The following GNG12 variants were observed in gnomAD, a reference collection of about 807,000 sequenced individuals.
GNG12 encodes the protein G protein subunit gamma 12, also known as guanine nucleotide-binding protein G(I)/G(S)/G(O) subunit gamma-12.
For synonymous variants in GNG12, 28 were observed against 29.7 expected, an observed-to-expected ratio of 0.94 and a Z score of 0.19; for missense variants, 69 against 83.8, an observed-to-expected ratio of 0.82 and a Z score of 0.69.
chr1:67,769,630 G>A (rs1042933207), intron 2 of GNG12, among the ~76,000 whole-genome samples: 2 of 152,156 alleles, frequency 1.3e-5, no homozygotes, highest in African/African-American at 4.8e-5. Flanking sequence ...AGTTATACAG[G>A]TGCACGTTGG....
intron 2 of GNG12, among the ~76,000 whole-genome samples, chr1:67,718,829 C>T (rs1467526037): frequency 1.3e-5 from 2 of 152,220 alleles, no homozygotes; most frequent in Non-Finnish European, 2.9e-5. Context: ...TGGCTTCACA[C>T]TCAAGATCCT....
At chr1:67,722,543 A>T (rs1252402755) in intron 2 of GNG12, among the ~76,000 whole-genome samples, 2 of 151,384 alleles carry the variant, frequency 1.3e-5, no homozygotes, top group Non-Finnish European at 2.9e-5. Context: ...GGACTTGAGT[A>T]GCCAGAAGAC....
At chr1:67,788,365 T>C (rs1056675545) in intron 1 of GNG12, among the ~76,000 whole-genome samples, 7 of 152,168 alleles carry the variant, frequency 4.6e-5, no homozygotes, top group African/African-American at 1.7e-4. Flanking sequence ...CAGTGTCTGA[T>C]TCTGTCACTC....
chr1:67,717,923 C>T (rs373621806), intron 2 of GNG12, among the ~76,000 whole-genome samples: 24 of 152,180 alleles, frequency 1.6e-4, no homozygotes, highest in South Asian at 4.1e-4. Flanking sequence ...GGGCCTCATT[C>T]GCTCATTTGT....
intron 1 of GNG12, among the ~76,000 whole-genome samples, chr1:67,825,203 T>C (rs777249853): frequency 1.7e-4 from 26 of 152,222 alleles, no homozygotes; most frequent in Admixed American, 5.9e-4. Flanking sequence ...CTGTAAGAAA[T>C]TCTTAGGAAT....
chr1:67,715,176 CAA>C (rs931995905), intron 2 of GNG12, among the ~76,000 whole-genome samples: 1 of 152,186 alleles, frequency 6.6e-6, no homozygotes, highest in Non-Finnish European at 1.5e-5. Context: ...CTCACCCTCT[CAA>C]AGTGTTGGGA....
At chr1:67,780,443 G>A (rs1646731103) in intron 1 of GNG12, among the ~76,000 whole-genome samples, 1 of 152,060 alleles carries the variant, frequency 6.6e-6, no homozygotes, top group Admixed American at 6.6e-5. Context: ...TCCATTTATT[G>A]GTTTCTCCCC....
At chr1:67,712,463 G>A (rs1646300933) in intron 2 of GNG12, among the ~76,000 whole-genome samples, 1 of 152,180 alleles carries the variant, frequency 6.6e-6, no homozygotes, top group Admixed American at 6.5e-5. Flanking sequence ...GGCCAAGGTG[G>A]GAGGAACACT....
intron 1 of GNG12, among the ~76,000 whole-genome samples, chr1:67,791,484 C>T (rs934312244): frequency 7.2e-5 from 11 of 152,098 alleles, no homozygotes; most frequent in Non-Finnish European, 7.4e-5. Flanking sequence ...ACAATCATCT[C>T]CCACACTGCT....
rs117261244 is a variant in GNG12, at chr1:67,761,339, T to C, written c.-27+16119A>G. ...AATAACTGAGTGAAAAATCATGCTC[T>C]AAAATAGTTTAAAAGATTTCCAAGA... On this transcript the variant is annotated intron_variant, in intron 2 of 3. Transcript: ENST00000370982. 2.0e-3 allele frequency among the ~76,000 whole-genome samples: 298 copies of C among 152,364 alleles called. 3 individuals carry two copies. The highest frequency in any genetic ancestry group is 0.013 in the Admixed American group (199 of 15,308).
At chr1:67,727,363 A>C (rs1169803125) in intron 2 of GNG12, among the ~76,000 whole-genome samples, 1 of 152,242 alleles carries the variant, frequency 6.6e-6, no homozygotes, top group South Asian at 2.1e-4. Context: ...AGTGTGTGAG[A>C]TTCTTTGAAA....
chr1:67,819,116 G>T (rs1383967156), intron 1 of GNG12, among the ~76,000 whole-genome samples: 1 of 152,168 alleles, frequency 6.6e-6, no homozygotes, highest in Non-Finnish European at 1.5e-5. Context: ...AGGCATGGGG[G>T]TAGGGAGAAG....
chr1:67,750,302 C>T (rs889574161), intron 2 of GNG12, among the ~76,000 whole-genome samples: 4 of 152,160 alleles, frequency 2.6e-5, no homozygotes, highest in Non-Finnish European at 5.9e-5. Flanking sequence ...GGAACATGTT[C>T]TCCCAGTGGA....
chr1:67,808,991 T>C (rs769809849), intron 1 of GNG12, among the ~76,000 whole-genome samples: 2 of 152,120 alleles, frequency 1.3e-5, no homozygotes, highest in Non-Finnish European at 2.9e-5. Context: ...CAACTCAATA[T>C]TGAAGAACAA....
At chr1:67,754,519 T>C (rs1646557213) in intron 2 of GNG12, among the ~76,000 whole-genome samples, 1 of 152,156 alleles carries the variant, frequency 6.6e-6, no homozygotes, top group Non-Finnish European at 1.5e-5. Context: ...GTTGGGAGTA[T>C]AAGCAGCTGG....
At chr1:67,776,970 C>T (rs1490965905) in intron 2 of GNG12, among the ~76,000 whole-genome samples, 1 of 152,142 alleles carries the variant, frequency 6.6e-6, no homozygotes, top group Non-Finnish European at 1.5e-5. Flanking sequence ...AGGAAGTTTT[C>T]TACCATGGCA....
chr1:67,724,045 A>G (rs1570487140), intron 2 of GNG12, among the ~76,000 whole-genome samples: 1 of 152,292 alleles, frequency 6.6e-6, no homozygotes, highest in East Asian at 1.9e-4. Context: ...ACAGAGGAAT[A>G]TTTAGAAAAA....
At chr1:67,772,920 T>C (rs1041140030) in intron 2 of GNG12, among the ~76,000 whole-genome samples, 19 of 152,208 alleles carry the variant, frequency 1.2e-4, no homozygotes, top group African/African-American at 4.6e-4. Context: ...TCTGCCACCA[T>C]GGTGAGGGAG....
intron 2 of GNG12, among the ~76,000 whole-genome samples, chr1:67,757,913 C>T (rs539958200): frequency 3.3e-4 from 51 of 152,328 alleles, no homozygotes; most frequent in Non-Finnish European, 6.0e-4. Flanking sequence ...GTTACATAAA[C>T]GAGTCTCTGT....
Sources: gnomAD v4.1 joint callset for allele counts (sites outside exome capture counted in the v4.1 genomes callset) on GRCh38, gnomAD v4.1.1 for gene constraint, MANE v1.5 for transcripts, NCBI Gene and HGNC (gene_info 2026-07-23, HGNC 2026-07-21) for gene names.